Variants in NEMF observed in about 807,000 individuals in gnomAD.
The protein encoded by NEMF is nuclear export mediator factor.
A neutral mutation model predicts 162.2 loss-of-function variants in NEMF; 89 were observed. The observed-to-expected ratio is 0.55, with a 90% CI of 0.46 to 0.65. The LOEUF (loss-of-function observed/expected upper bound fraction) is 0.65, where lower values mean the gene tolerates loss of function less well. NEMF is among the 30% of genes least tolerant of loss of function. The pLI, the probability that NEMF is intolerant of heterozygous loss-of-function variation, is 0.00. For missense variants in NEMF, 1,133 were observed against 1,261.9 expected, an observed-to-expected ratio of 0.90 and a Z score of 1.55; for synonymous variants, 421 against 404.5, an observed-to-expected ratio of 1.04 and a Z score of -0.49.
At chr14:49,852,057 A>T (rs1893804245) in intron 1 of NEMF, among the ~76,000 whole-genome samples, 182 bp from the exon 2 acceptor site, 1 of 152,208 alleles carries the variant, frequency 6.6e-6, no homozygotes, top group Non-Finnish European at 1.5e-5. Flanking sequence ...ACGATTTAAA[A>T]ACAGAAGTGG....
Position 49,846,121 on chromosome 14 carries a change from TC to T in NEMF, c.357+18del. 1 of 1,606,484 alleles carries T rather than the reference TC, an allele frequency of 6.2e-7. No individual in the cohort carries two copies. The highest frequency in any genetic ancestry group is 8.5e-7 in the Non-Finnish European group (1 of 1,176,282). On this transcript the variant is annotated intron_variant, in intron 4 of 32. Coordinates refer to ENST00000298310, the MANE Select transcript of NEMF (RefSeq NM_004713.6). ...TAATAAGAAATTTTCCTTCACCATA[TC>T]CCACAAATTTAACTTACCCTATCAT...
chr14:49,852,719 G>GT lies in NEMF; in HGVS notation c.34_35insA (p.Ala12AspfsTer9). ...CCTAGCATTCAGCTCCGCGAGTACG[G>GT]CGCGGAGGTCAATGGTGCTAAAGCG... On this transcript the variant is annotated frameshift_variant, in exon 1 of 33. Coordinates refer to ENST00000298310, the MANE Select transcript of NEMF (RefSeq NM_004713.6). LOFTEE classifies it high-confidence loss of function. 6.2e-7 allele frequency: 1 copy of GT among 1,614,234 alleles called. No homozygotes were observed. Among genetic ancestry groups the GT allele is most frequent in the South Asian group, 1.1e-5 (1 of 91,088 alleles).
intron 29 of NEMF, chr14:49,786,141 T>C (rs1460451220): frequency 6.5e-6 from 1 of 153,092 alleles, no homozygotes; most frequent in Non-Finnish European, 1.5e-5. Flanking sequence ...GGGCTGCTAC[T>C]GGGATCTAGT....
rs1892480463 is a variant in NEMF at position 49,828,598 on chromosome 14, T to C, written c.1424+18A>G. On this transcript the variant is annotated intron_variant, in intron 14 of 32. Coordinates refer to ENST00000298310, the MANE Select transcript of NEMF (RefSeq NM_004713.6). Reference sequence around the variant, plus strand: ...TGCAGATAACACTTGGCCTAAAATGTAAAGTTAAATGACTTACTTTTTGGC... The same window carrying C: ...TGCAGATAACACTTGGCCTAAAATGCAAAGTTAAATGACTTACTTTTTGGC... 1 of 1,517,844 alleles carries C rather than the reference T, an allele frequency of 6.6e-7. No homozygotes were observed. Among genetic ancestry groups the C allele is most frequent in the African/African-American group, 1.4e-5 (1 of 70,948 alleles). 94.0% of individuals were successfully genotyped at this position (1,517,844 alleles called of 1,614,324 possible). A position where few individuals can be genotyped will look rare whatever the true frequency, so the allele number is the denominator to read the frequency against.
chr14:49,845,442 G>A (rs1893452275), intron 4 of NEMF, among the ~76,000 whole-genome samples: 1 of 152,110 alleles, frequency 6.6e-6, no homozygotes, highest in African/African-American at 2.4e-5. Context: ...TTATTTTTAA[G>A]ATGTTTTTCT....
chr14:49,826,081 AACAC>A (rs370441618), intron 15 of NEMF, 126 bp from the exon 16 acceptor site: 6 of 554,698 alleles, frequency 1.1e-5, no homozygotes, highest in East Asian at 3.0e-5. Flanking sequence ...CACACACACA[AACAC>A]ACACACACAC....
chr14:49,825,049 A>G (rs1258179473), intron 16 of NEMF, among the ~76,000 whole-genome samples: 3 of 152,352 alleles, frequency 2.0e-5, no homozygotes, highest in East Asian at 3.9e-4. Flanking sequence ...TAAATTAGTG[A>G]TAAGAACAAA....
rs1377704218 is a variant in NEMF, at chr14:49,843,635, G to A, written c.357+2505C>T. On this transcript the variant is annotated intron_variant, in intron 4 of 32. Coordinates refer to ENST00000298310, the MANE Select transcript of NEMF (RefSeq NM_004713.6). ...AGAGTATACTTACACAAACCTAGAC[G>A]GTGTAGCCTAATACATCCACCAAAG... is the stretch of plus-strand genomic sequence containing the variant. 2.6e-5 allele frequency among the ~76,000 whole-genome samples: 4 copies of A among 152,314 alleles called. No individual in the cohort carries two copies. The South Asian group carries it at 6.2e-4, about 24-fold the overall frequency.
At chr14:49,811,791 CTT>C (rs890735642) in intron 18 of NEMF, among the ~76,000 whole-genome samples, 3 of 152,116 alleles carry the variant, frequency 2.0e-5, no homozygotes, top group Non-Finnish European at 4.4e-5. Context: ...ATAAATTACG[CTT>C]TGTCATCGTA....
chr14:49,852,250 C>G (rs760709885), intron 1 of NEMF, among the ~76,000 whole-genome samples: 1 of 152,180 alleles, frequency 6.6e-6, no homozygotes, highest in Admixed American at 6.6e-5. Context: ...AGACTAGAAT[C>G]CAGATCTCAG....
chr14:49,804,320 A>G (rs539473671), intron 19 of NEMF, among the ~76,000 whole-genome samples: 85 of 152,284 alleles, frequency 5.6e-4, no homozygotes, highest in African/African-American at 1.9e-3. Flanking sequence ...ATGAAATAGC[A>G]GATTTTTAAA....
intron 16 of NEMF, among the ~76,000 whole-genome samples, chr14:49,824,526 A>G (rs1195669039): frequency 6.8e-6 from 1 of 147,938 alleles, no homozygotes; most frequent in Non-Finnish European, 1.5e-5. Context: ...CCTGGGCAAT[A>G]AAAGTGAAAT....
rs746145546 is a variant in NEMF, at chr14:49,789,272, C to T, written c.2769G>A (p.Lys923=). ...CACCTCTAGGTTTCTGGGGCTGTTT[C>T]TTCACAGGTTCGTCCTTTGTTTTTC... ...KKGKTKDEPV[K]KQPQKPRGGQ... is the part of the protein sequence containing the mutation. The change falls in exon 28 of 33, where the codon AAG becomes AAA. Residue 923 remains lysine (K), a synonymous_variant. Coordinates refer to ENST00000298310, the MANE Select transcript of NEMF (RefSeq NM_004713.6). 1.9e-6 allele frequency: 3 copies of T among 1,614,140 alleles called. No homozygotes were observed. The highest frequency in any genetic ancestry group is 3.3e-5 in the Admixed American group (2 of 60,024).
intron 1 of NEMF, among the ~76,000 whole-genome samples, chr14:49,852,447 T>G (rs1420543295): frequency 1.3e-5 from 2 of 152,248 alleles, no homozygotes; most frequent in Non-Finnish European, 2.9e-5. Flanking sequence ...ATGCAAGAGC[T>G]TCGCGCTAGC....
chr14:49,851,197 CCTT>C lies in NEMF; in HGVS notation c.231+363_231+365del, dbSNP rs1367802690. On this transcript the variant is annotated intron_variant, in intron 3 of 32. Transcript: ENST00000298310. ...CCAGCCTGGGTGACAGAGCGAGACT[CCTT>C]CTCAAAAACGAACAAAAAAACAAAC... 2.0e-5 allele frequency among the ~76,000 whole-genome samples: 3 copies of C among 152,132 alleles called. No individual in the cohort carries two copies. In the East Asian group the frequency reaches 5.8e-4, roughly 29 times the overall value.
Position 49,838,066 on chromosome 14 carries a change from A to G in NEMF, c.574+73T>C, listed in dbSNP as rs569553197. On this transcript the variant is annotated intron_variant, in intron 6 of 32. Coordinates refer to ENST00000298310, the MANE Select transcript of NEMF (RefSeq NM_004713.6). ...TGTTCAAATTTTCTAATAAAACCAT[A>G]AAAGATTTCAATATATTCCTGAAAA... 10 of 1,188,764 alleles carry G rather than the reference A, an allele frequency of 8.4e-6. No homozygotes were observed. The African/African-American group carries it at 1.1e-4, about 13-fold the overall frequency. 73.6% of individuals were successfully genotyped at this position (1,188,764 alleles called of 1,614,324 possible).
At position 49,839,383 on chromosome 14, in the gene NEMF, C is replaced by CTTTA. The variant is rs1053972897; in HGVS notation, c.507-1181_507-1178dup. Reference sequence around the variant, plus strand: ...GGCGTGAGCTACAGTGCCTGATCAACTTTATTTATTTATTTAATGTAGACT... The same window carrying CTTTA: ...GGCGTGAGCTACAGTGCCTGATCAACTTTATTTATTTATTTATTTAATGTAGACT... On this transcript the variant is annotated intron_variant, in intron 5 of 32. Transcript: ENST00000298310. The CTTTA allele has an allele frequency of 3.3e-5, 5 of 152,014 alleles. 1 individual carries two copies. The highest frequency in any genetic ancestry group is 4.1e-4 in the South Asian group (2 of 4,826). The allele number at this position is 152,014 out of a possible 1,614,324, so 9.4% of individuals were successfully genotyped here. A position where few individuals can be genotyped will look rare whatever the true frequency, so the allele number is the denominator to read the frequency against.
intron 4 of NEMF, among the ~76,000 whole-genome samples, chr14:49,844,282 T>C (rs1009945165): frequency 1.3e-5 from 2 of 151,992 alleles, no homozygotes; most frequent in Non-Finnish European, 2.9e-5. Flanking sequence ...GCAACCTAGA[T>C]CCCTTGCATG....
intron 18 of NEMF, 35 bp from the exon 19 acceptor site, chr14:49,806,168 G>A (rs747545424): frequency 1.4e-6 from 2 of 1,472,668 alleles, no homozygotes; most frequent in Admixed American, 3.6e-5. Context: ...CAATACCAAA[G>A]TATGGACTTT....
Sources: gnomAD v4.1 joint callset for allele counts (sites outside exome capture counted in the v4.1 genomes callset) on GRCh38, gnomAD v4.1.1 for gene constraint, MANE v1.5 for transcripts, NCBI Gene and HGNC (gene_info 2026-07-23, HGNC 2026-07-21) for gene names.